The following TMEM209 variants were observed in gnomAD, a reference collection of about 807,000 sequenced individuals.
TMEM209 encodes testicular tissue protein Li 202.
TMEM209 carries 65 observed loss-of-function variants against 76.2 expected under a neutral mutation model. The ratio of observed to expected loss-of-function variants is 0.85; its 90% CI spans 0.70 to 1.05. The LOEUF (loss-of-function observed/expected upper bound fraction) is 1.05, where lower values mean the gene tolerates loss of function less well. Ranked by LOEUF, TMEM209 falls within the 50% of genes least tolerant of loss-of-function variation. The probability of loss-of-function intolerance (pLI) is 0.00; values close to 1 mark genes in which losing one functional copy is unlikely to be tolerated. For missense variants in TMEM209, 623 were observed against 685.5 expected (o/e 0.91, Z 1.02); for synonymous variants, 239 against 237.6 (o/e 1.01, Z -0.06).
intron 5 of TMEM209, among the ~76,000 whole-genome samples, chr7:130,193,212 A>T (rs1279763411): frequency 6.6e-6 from 1 of 152,174 alleles, no homozygotes; most frequent in Non-Finnish European, 1.5e-5. Flanking sequence ...ACGAGTAAAT[A>T]AACTGGCAAA....
At chr7:130,205,056 C>T (rs1259092633) in intron 1 of TMEM209, 1 of 1,322,014 alleles carries the variant, frequency 7.6e-7, no homozygotes, top group African/African-American at 1.5e-5. Flanking sequence ...TTCCTCCTTT[C>T]TTCAGCTAGG....
intron 10 of TMEM209, among the ~76,000 whole-genome samples, chr7:130,177,397 G>C (rs1015191392): frequency 3.8e-4 from 58 of 151,384 alleles, no homozygotes; most frequent in African/African-American, 1.4e-3. Flanking sequence ...ATGTATGTTT[G>C]TATTAGTTTT....
intron 10 of TMEM209, among the ~76,000 whole-genome samples, chr7:130,177,028 CAAA>C (rs5887463): frequency 2.6e-3 from 303 of 117,500 alleles, no homozygotes; most frequent in Middle Eastern, 8.4e-3. Flanking sequence ...AGCCGGGTCT[CAAA>C]AAAAAAAAAA....
At chr7:130,181,836 T>C in intron 8 of TMEM209, 117 bp from the exon 9 acceptor site, 1 of 730,126 alleles carries the variant, frequency 1.4e-6, no homozygotes, top group Non-Finnish European at 2.3e-6. Flanking sequence ...AGTTGAATAT[T>C]AAAAGAATCA....
At chr7:130,201,707 G>T in intron 5 of TMEM209, 143 bp downstream of exon 5, 2 of 1,005,882 alleles carry the variant, frequency 2.0e-6, no homozygotes, top group Non-Finnish European at 2.9e-6. Flanking sequence ...AAGATATTAT[G>T]TTCTATTCTC....
intron 14 of TMEM209, among the ~76,000 whole-genome samples, chr7:130,169,880 A>G (rs1797010076): frequency 6.6e-6 from 1 of 152,292 alleles, no homozygotes; most frequent in East Asian, 1.9e-4. Context: ...TTGATACACT[A>G]AAATTTCTAA....
chr7:130,174,952 T>C (rs1203326727), intron 11 of TMEM209, among the ~76,000 whole-genome samples: 2 of 151,624 alleles, frequency 1.3e-5, no homozygotes, highest in Non-Finnish European at 2.9e-5. Flanking sequence ...GCAGAATACA[T>C]AATTTTACAT....
intron 3 of TMEM209, 32 bp from the exon 4 acceptor site, chr7:130,202,695 G>C: frequency 6.3e-7 from 1 of 1,599,006 alleles, no homozygotes; most frequent in Non-Finnish European, 8.5e-7. Context: ...TTAATAAGGG[G>C]GGTGAGGAGG....
At chr7:130,182,208 C>G (rs1584676959) in intron 8 of TMEM209, among the ~76,000 whole-genome samples, 1 of 152,140 alleles carries the variant, frequency 6.6e-6, no homozygotes, top group East Asian at 1.9e-4. Flanking sequence ...TCCCAAAGTG[C>G]TGAGATTACA....
Position 130,173,944 on chromosome 7 carries a change from G to A in TMEM209, c.1345-5C>T, listed in dbSNP as rs1472290030. 1 of 1,584,080 alleles carries A rather than the reference G, an allele frequency of 6.3e-7. No homozygotes were observed. The highest frequency in any genetic ancestry group is 8.7e-7 in the Non-Finnish European group (1 of 1,153,166). On this transcript the variant is annotated splice_region_variant and splice_polypyrimidine_tract_variant and intron_variant, in intron 11 of 14. Transcript: ENST00000397622. Reference sequence around the variant, plus strand: ...GCAAAATACATGCATGATGATCTGAGGATGAAGAAATAATTTTTTTTTAAG... The same window carrying A: ...GCAAAATACATGCATGATGATCTGAAGATGAAGAAATAATTTTTTTTTAAG...
intron 6 of TMEM209, among the ~76,000 whole-genome samples, chr7:130,185,746 C>A (rs1797576944): frequency 6.6e-6 from 1 of 152,084 alleles, no homozygotes; most frequent in South Asian, 2.1e-4. Context: ...TTTCTAGAAG[C>A]TCTTTCTAAA....
chr7:130,203,999 T>G lies in TMEM209; in HGVS notation c.115A>C (p.Met39Leu), dbSNP rs1798322471. The change falls in exon 2 of 15, where the codon ATG (methionine) becomes CTG (leucine). Residue 39 changes from methionine (M) to leucine (L), a missense_variant. Coordinates refer to ENST00000397622, the MANE Select transcript of TMEM209 (RefSeq NM_032842.4). ...ATTTCAGTATATATCATTCCAGCCA[T>G]AGATACATTTAGGAGTCCCCAGGCT... ...VLAWGLLNVS[M>L]AGMIYTEMTG... 1 of 1,613,634 alleles carries G rather than the reference T, an allele frequency of 6.2e-7. No individual in the cohort carries two copies. Among genetic ancestry groups the G allele is most frequent in the African/African-American group, 1.3e-5 (1 of 74,924 alleles).
At chr7:130,178,187 A>T (rs1797301467) in intron 10 of TMEM209, among the ~76,000 whole-genome samples, 1 of 152,226 alleles carries the variant, frequency 6.6e-6, no homozygotes, top group South Asian at 2.1e-4. Flanking sequence ...CATTCTTATG[A>T]GTCTAAAAGT....
intron 5 of TMEM209, 77 bp downstream of exon 5, chr7:130,201,773 T>A: frequency 6.4e-7 from 1 of 1,562,526 alleles, no homozygotes; most frequent in Non-Finnish European, 8.7e-7. Context: ...ACTGATAAGT[T>A]TTGACTCATT....
rs1455228817 is a variant in TMEM209, at chr7:130,165,961, G to A, written c.*490C>T. The A allele has an allele frequency of 6.6e-6, 1 of 152,568 alleles. No homozygotes were observed. Among genetic ancestry groups the A allele is most frequent in the Non-Finnish European group, 1.5e-5 (1 of 68,478 alleles). The allele number at this position is 152,568 out of a possible 1,614,324, so 9.5% of individuals were successfully genotyped here. A position where few individuals can be genotyped will look rare whatever the true frequency, so the allele number is the denominator to read the frequency against. Reference sequence around the variant, plus strand: ...TAATCCCAGCTACTCAGGAGGCTGAGGCAGGAGAATTGCTTGAGCCTGGGA... The same window carrying A: ...TAATCCCAGCTACTCAGGAGGCTGAAGCAGGAGAATTGCTTGAGCCTGGGA... On this transcript the variant is annotated 3_prime_UTR_variant, in exon 15 of 15. Transcript: ENST00000397622.
At chr7:130,174,849 AGTTAAAT>A (rs1797183325) in intron 11 of TMEM209, among the ~76,000 whole-genome samples, 1 of 152,222 alleles carries the variant, frequency 6.6e-6, no homozygotes, top group Admixed American at 6.5e-5. Context: ...ATAGGAGAAT[AGTTAAAT>A]GACAGTGTGT....
chr7:130,167,434 A>G (rs1029559701), intron 14 of TMEM209, among the ~76,000 whole-genome samples: 59 of 152,156 alleles, frequency 3.9e-4, no homozygotes, highest in South Asian at 2.1e-4. Flanking sequence ...ACATGAGTCT[A>G]AGCATCTTTT....
At position 130,180,772 on chromosome 7, in the gene TMEM209, T is replaced by C. The variant is rs138262654; in HGVS notation, c.1120+851A>G. 2.8e-3 allele frequency among the ~76,000 whole-genome samples: 426 copies of C among 152,314 alleles called. 2 individuals carry two copies. Among genetic ancestry groups the C allele is most frequent in the Middle Eastern group, 6.8e-3 (2 of 294 alleles). ...TGCAAATCAAAACCAAAATGAGACA[T>C]CATTTCACGCCTACTGCAGGATGAC... is the stretch of plus-strand genomic sequence containing the variant. On this transcript the variant is annotated intron_variant, in intron 9 of 14. Coordinates refer to ENST00000397622, the MANE Select transcript of TMEM209 (RefSeq NM_032842.4).
At chr7:130,170,372 C>T in intron 14 of TMEM209, 28 bp downstream of exon 14, 1 of 1,573,624 alleles carries the variant, frequency 6.4e-7, no homozygotes, top group Non-Finnish European at 8.7e-7. Flanking sequence ...TAAATAACTA[C>T]TTACGTTTTT....
Sources: allele counts gnomAD v4.1 joint callset (sites outside exome capture counted in the v4.1 genomes callset), GRCh38; gene constraint gnomAD v4.1.1; transcripts MANE v1.5; gene names NCBI Gene and HGNC (gene_info 2026-07-23, HGNC 2026-07-21).